Variants in KDM4F observed in about 807,000 individuals in gnomAD.
The protein encoded by KDM4F is probable lysine-specific demethylase 4F.
For missense variants in KDM4F, 586 were observed against 496.4 expected (o/e 1.18, Z -1.71); for synonymous variants, 223 against 184.4 (o/e 1.21, Z -1.70).
chr11:95,051,153 G>A, exon 1 of KDM4F: 1 of 399,938 alleles, frequency 2.5e-6, no homozygotes, highest in Non-Finnish European at 4.4e-6. Flanking sequence ...TGTAGCAATG[G>A]ACCATTCTTA....
exon 1 of KDM4F, chr11:95,050,754 C>G (rs552650892): frequency 2.4e-4 from 154 of 651,452 alleles, no homozygotes; most frequent in African/African-American, 2.3e-3. Context: ...TCGTCGTCCT[C>G]GAGAACTGGG....
At chr11:95,050,226 A>C (rs1858497723) in exon 1 of KDM4F, 1 of 1,557,834 alleles carries the variant, frequency 6.4e-7, no homozygotes, top group Non-Finnish European at 8.9e-7. Flanking sequence ...TGGGGAGTTC[A>C]TGGTGACTTT....
chr11:95,051,089 A>G, exon 1 of KDM4F: 1 of 409,202 alleles, frequency 2.4e-6, no homozygotes, highest in Non-Finnish European at 4.3e-6. Flanking sequence ...CTTTGATTAC[A>G]TTGTCCAGGG....
At chr11:95,051,024 A>G in exon 1 of KDM4F, 1 of 437,754 alleles carries the variant, frequency 2.3e-6, no homozygotes, top group South Asian at 7.9e-5. Context: ...CCTCGACAGC[A>G]CTGCTAGTAG....
At chr11:95,049,588 C>A in exon 1 of KDM4F, 1 of 1,598,210 alleles carries the variant, frequency 6.3e-7, no homozygotes, top group Non-Finnish European at 8.5e-7. Context: ...GAATGGAAAG[C>A]CAGACAGATG....
chr11:95,050,623 C>A (rs1281260687), exon 1 of KDM4F: 4 of 630,560 alleles, frequency 6.3e-6, no homozygotes, highest in Non-Finnish European at 8.5e-6. Flanking sequence ...GGTACCGATG[C>A]TGTGCCTGGA....
chr11:95,050,049 T>C, exon 1 of KDM4F: 3 of 1,607,094 alleles, frequency 1.9e-6, no homozygotes, highest in Non-Finnish European at 2.6e-6. Flanking sequence ...CAAAACTTGG[T>C]ACGTGGTGCC....
At position 95,049,717 on chromosome 11, in the gene KDM4F, G is replaced by A. The variant is rs555572565; in HGVS notation, c.296G>A (p.Arg99His). ...AAAGCCATGAGGGTGGGGCAGTATC[G>A]CCACTTGGCAAACAGTAAAAAATAT... Residue 99 changes from arginine to histidine, a missense_variant, in exon 1 of 1, where the codon CGC becomes CAC. By Grantham distance (29) the Arg-to-His change is conservative. Transcript: ENST00000545950. 214 of 1,605,320 alleles carry A rather than the reference G, an allele frequency of 1.3e-4. 1 individual carries two copies. In the African/African-American group the frequency reaches 2.3e-3, roughly 18 times the overall value.
rs932470474 is a variant in KDM4F, at chr11:95,049,856, C to T, written c.435C>T (p.Ser145=). The T allele has an allele frequency of 3.1e-6, 5 of 1,605,564 alleles. No individual in the cohort carries two copies. The African/African-American group carries it at 6.7e-5, about 21-fold the overall frequency. ...TCAGCGGCTCCTTATTTGAAGAAAG[C>T]ACTAAACAATGGAACCTAGGACACC... Residue 145 remains serine, a synonymous_variant, in exon 1 of 1, where the codon AGC becomes AGT. Coordinates refer to ENST00000545950, the Ensembl canonical transcript of KDM4F.
In KDM4F at chr11:95,049,464, A is replaced by G. The variant is rs1249728444; in HGVS notation, c.43A>G (p.Ile15Val). 10 of 1,522,498 alleles carry G rather than the reference A, an allele frequency of 6.6e-6. No homozygotes were observed. In the East Asian group the frequency reaches 2.2e-4, roughly 33 times the overall value. 94.3% of individuals were successfully genotyped at this position (1,522,498 alleles called of 1,614,324 possible). The stretch of plus-strand genomic sequence containing the variant: ...CAGTCCCCAGAACACGAGTCATACC[A>G]TCATGACGTTTTACCCAACCATGGA... The change falls in exon 1 of 1, where the codon ATC becomes GTC. Residue 15 changes from isoleucine to valine, a missense_variant. By Grantham distance (29) the Ile-to-Val change is conservative. Coordinates refer to ENST00000545950, the Ensembl canonical transcript of KDM4F.
exon 1 of KDM4F, chr11:95,049,431 G>T: frequency 2.2e-6 from 3 of 1,377,486 alleles, no homozygotes; most frequent in South Asian, 1.4e-5. Context: ...CATGAAGTCT[G>T]TGCACTCCAG....
chr11:95,049,962 A>G (rs1858494574), exon 1 of KDM4F: 19 of 1,614,234 alleles, frequency 1.2e-5, no homozygotes, highest in Non-Finnish European at 1.5e-5. Flanking sequence ...GTACTTTGGC[A>G]TGTGGAAGAC....
chr11:95,050,403 G>A (rs948071934), exon 1 of KDM4F: 5 of 877,382 alleles, frequency 5.7e-6, no homozygotes, highest in African/African-American at 3.3e-5. Context: ...CCTGCAACCC[G>A]AGAGCTATGA....
At chr11:95,050,765 G>T (rs1232707042) in exon 1 of KDM4F, 2 of 650,974 alleles carry the variant, frequency 3.1e-6, no homozygotes, top group Non-Finnish European at 5.5e-6. Context: ...GAGAACTGGG[G>T]ACTGAGGAGA....
chr11:95,050,720 TC>T, the KDM4F span: 12 of 637,012 alleles, frequency 1.9e-5, no homozygotes, highest in African/African-American at 1.6e-4. Context: ...GTGGTCGTGG[TC>T]GAGGTCGTGG....
exon 1 of KDM4F, chr11:95,051,002 C>T (rs1858506306): frequency 4.5e-6 from 2 of 441,226 alleles, no homozygotes; most frequent in South Asian, 1.5e-4. Context: ...ACCCTGGCCC[C>T]TGCCTGCTAT....
exon 1 of KDM4F, chr11:95,050,125 G>A (rs895154132): frequency 3.4e-5 from 53 of 1,563,300 alleles, no homozygotes; most frequent in African/African-American, 5.4e-5. Context: ...TCCCGGGGCT[G>A]TGAGGGCTTC....
chr11:95,049,687 A>C (rs1858491184), exon 1 of KDM4F: 1 of 1,602,448 alleles, frequency 6.2e-7, no homozygotes, highest in Non-Finnish European at 8.5e-7. Context: ...TACCATAAAA[A>C]GAAGAAAGCC....
chr11:95,050,106 C>G (rs1555105371), exon 1 of KDM4F: 44 of 1,578,304 alleles, frequency 2.8e-5, no homozygotes, highest in Non-Finnish European at 3.3e-5. Flanking sequence ...GGAGCTCTTC[C>G]CAGGCAATTC....
Sources: allele counts gnomAD v4.1 joint callset, GRCh38; gene constraint gnomAD v4.1.1; transcripts MANE v1.5; gene names NCBI Gene and HGNC (gene_info 2026-07-23, HGNC 2026-07-21).